The following OR2T35 variants were observed in gnomAD, a reference collection of about 807,000 sequenced individuals.
OR2T35 encodes the protein olfactory receptor 2T35.
For missense variants in OR2T35, 47 were observed against 278.8 expected (o/e 0.17, Z 5.92); for synonymous variants, 18 against 110.2 (o/e 0.16, Z 5.24).
At chr1:248,642,178 C>G (rs1169708660) in intron 1 of OR2T35, among the ~76,000 whole-genome samples, 1 of 79,118 alleles carries the variant, frequency 1.3e-5, no homozygotes, top group African/African-American at 3.0e-5. Flanking sequence ...ATTCTCCACT[C>G]TAAGACACTT....
chr1:248,639,107 T>C lies in OR2T35; in HGVS notation c.152A>G (p.His51Arg), dbSNP rs1660755962. Residue 51 changes from histidine (H) to arginine (R), a missense_variant, in exon 2 of 2, where the codon CAC becomes CGC. His to Arg is a conservative substitution (Grantham distance 29). Coordinates refer to ENST00000641268, the MANE Select transcript of OR2T35 (RefSeq NM_001001827.2). ...TANLVMILLI[H>R]MDSRLHTPMY... ...GGGTGTGTGGAGGCGGGAGTCCATGTGGATGAGCAGAATCATGACCAAGTT... is the reference window on the plus strand; with the variant it reads ...GGGTGTGTGGAGGCGGGAGTCCATGCGGATGAGCAGAATCATGACCAAGTT... The C allele has an allele frequency of 4.1e-6, 2 of 492,162 alleles. No homozygotes were observed. Among genetic ancestry groups the C allele is most frequent in the Non-Finnish European group, 7.1e-6 (2 of 282,000 alleles). 30.5% of individuals were successfully genotyped at this position (492,162 alleles called of 1,614,324 possible).
Position 248,638,597 on chromosome 1 carries a change from A to G in OR2T35, c.662T>C (p.Ile221Thr), listed in dbSNP as rs776881010. Residue 221 changes from isoleucine (I) to threonine (T), a missense_variant, in exon 2 of 2, where the codon ATC (isoleucine) becomes ACC (threonine). Physicochemically the swap from Ile to Thr is moderately conservative, Grantham distance 89. Transcript: ENST00000641268. ...LSVISVSYTH[I>T]LLTVHRMNSA... ...GTTCATCCTGTGGACAGTCAGGAGGATGTGCGTGTAGGACACAGAGATGAC... is the reference window on the plus strand; with the variant it reads ...GTTCATCCTGTGGACAGTCAGGAGGGTGTGCGTGTAGGACACAGAGATGAC... 6 of 1,570,642 alleles carry G rather than the reference A, an allele frequency of 3.8e-6. 1 individual carries two copies. The African/African-American group carries it at 4.7e-5, about 12-fold the overall frequency.
Position 248,638,180 on chromosome 1 carries a change from C to A in OR2T35, c.*107G>T. ...GGCCGCAGCACCGCAGATGTTTGCA[C>A]TAGTCCCTGCTAGTCCTTCCTGATC... On this transcript the variant is annotated 3_prime_UTR_variant, in exon 2 of 2. Transcript: ENST00000641268. 2 of 837,032 alleles carry A rather than the reference C, an allele frequency of 2.4e-6. 1 individual carries two copies. The highest frequency in any genetic ancestry group is 3.7e-6 in the Non-Finnish European group (2 of 535,844). 51.9% of individuals were successfully genotyped at this position (837,032 alleles called of 1,614,324 possible).
chr1:248,644,867 CTACAT>C (rs1303596485), intron 1 of OR2T35, among the ~76,000 whole-genome samples: 2 of 138,670 alleles, frequency 1.4e-5, no homozygotes, highest in African/African-American at 5.4e-5. Flanking sequence ...ACCTTGCTTC[CTACAT>C]TAATCAGATT....
chr1:248,645,013 CTG>C (rs66799644), intron 1 of OR2T35, among the ~76,000 whole-genome samples: 40,014 of 64,596 alleles, frequency 0.62, 12,517 homozygotes, highest in Middle Eastern at 0.77. Flanking sequence ...TAAATGGTAA[CTG>C]TTTTCATTCG....
At chr1:248,644,209 A>C (rs540168599) in intron 1 of OR2T35, among the ~76,000 whole-genome samples, 61 of 105,898 alleles carry the variant, frequency 5.8e-4, no homozygotes, top group African/African-American at 2.0e-3. Flanking sequence ...TATGGAAATG[A>C]AAGTGTTAAA....
In OR2T35 at chr1:248,644,735, TATTA is replaced by T. The variant is rs999355492; in HGVS notation, c.-23+508_-23+511del. 2.8e-5 allele frequency among the ~76,000 whole-genome samples: 4 copies of T among 140,398 alleles called. No homozygotes were observed. The South Asian group carries it at 8.8e-4, about 31-fold the overall frequency. The allele number at this position is 140,398 out of a possible 152,430, so 92.1% of individuals were successfully genotyped here. A position where few individuals can be genotyped will look rare whatever the true frequency, so the allele number is the denominator to read the frequency against. On this transcript the variant is annotated intron_variant, in intron 1 of 1. Coordinates refer to ENST00000641268, the MANE Select transcript of OR2T35 (RefSeq NM_001001827.2). ...GTTTTAGTCTTGAAAGCAAGATTAA[TATTA>T]ATTGCTACTCATAAGTGTTCATAGC...
chr1:248,641,651 AAGAT>A (rs1347551364), intron 1 of OR2T35, among the ~76,000 whole-genome samples: 2,428 of 74,408 alleles, frequency 0.033, 18 homozygotes, highest in African/African-American at 0.079. Context: ...AAACAGGAGA[AAGAT>A]ATGATTTTAG....
intron 1 of OR2T35, among the ~76,000 whole-genome samples, chr1:248,642,107 T>C (rs1660791096): frequency 1.1e-5 from 1 of 90,980 alleles, no homozygotes; most frequent in African/African-American, 2.8e-5. Flanking sequence ...GTTTGACTTA[T>C]TCACACATAC....
intron 1 of OR2T35, among the ~76,000 whole-genome samples, chr1:248,641,740 G>A (rs1477168632): frequency 1.2e-5 from 1 of 82,662 alleles, no homozygotes; most frequent in African/African-American, 2.9e-5. Flanking sequence ...TGAGCGTTGT[G>A]CGTACATGTG....
Position 248,638,335 on chromosome 1 carries a change from A to T in OR2T35, c.924T>A (p.Cys308Ter). ...AAALRKVLGR[C>*]GSSQSIRVAT... ...CCACCCTGATGCTCTGGGAGGAACC[A>T]CATCTCCCTAGTACTTTCCTCAGAG... The change falls in exon 2 of 2, where the codon TGT becomes TGA. Residue 308 changes from cysteine (C) to a stop codon, truncating the protein, a stop_gained. Coordinates refer to ENST00000641268, the MANE Select transcript of OR2T35 (RefSeq NM_001001827.2). LOFTEE classifies it low-confidence loss of function (END_TRUNC). The T allele has an allele frequency of 1.1e-6, 1 of 942,524 alleles. No homozygotes were observed. The highest frequency in any genetic ancestry group is 1.7e-6 in the Non-Finnish European group (1 of 576,858). 58.4% of individuals were successfully genotyped at this position (942,524 alleles called of 1,614,324 possible). A position where few individuals can be genotyped will look rare whatever the true frequency, so the allele number is the denominator to read the frequency against.
chr1:248,644,741 T>C (rs1035301169), intron 1 of OR2T35, among the ~76,000 whole-genome samples: 1 of 140,410 alleles, frequency 7.1e-6, no homozygotes, highest in African/African-American at 2.7e-5. Context: ...TTAATATTAA[T>C]TGCTACTCAT....
chr1:248,645,021 A>G (rs1415464272), intron 1 of OR2T35, among the ~76,000 whole-genome samples: 1 of 87,066 alleles, frequency 1.1e-5, no homozygotes, highest in Non-Finnish European at 2.6e-5. Context: ...AACTGTTTTC[A>G]TTCGTGGAAA....
chr1:248,638,339 C>A lies in OR2T35; in HGVS notation c.920G>T (p.Arg307Ile), dbSNP rs1660734146. ...CCTGATGCTCTGGGAGGAACCACAT[C>A]TCCCTAGTACTTTCCTCAGAGCTGC... is the stretch of plus-strand genomic sequence containing the variant. ...VAAALRKVLG[R>I]CGSSQSIRVA... Residue 307 changes from arginine to isoleucine, a missense_variant, in exon 2 of 2, where the codon AGA becomes ATA. Physicochemically the swap from Arg to Ile is moderately conservative, Grantham distance 97. Transcript: ENST00000641268. The A allele has an allele frequency of 1.1e-6, 1 of 892,620 alleles. No individual in the cohort carries two copies. Among genetic ancestry groups the A allele is most frequent in the African/African-American group, 1.7e-5 (1 of 59,096 alleles). The allele number at this position is 892,620 out of a possible 1,614,324, so 55.3% of individuals were successfully genotyped here.
rs1660728743 is a variant in OR2T35 at position 248,638,230 on chromosome 1, A to G, written c.*57T>C. 2.1e-6 allele frequency: 2 copies of G among 952,918 alleles called. No homozygotes were observed. Among genetic ancestry groups the G allele is most frequent in the South Asian group, 1.3e-5 (1 of 77,276 alleles). The allele number at this position is 952,918 out of a possible 1,614,324, so 59.0% of individuals were successfully genotyped here. A position where few individuals can be genotyped will look rare whatever the true frequency, so the allele number is the denominator to read the frequency against. ...CAGTCACCACCCCTGATGCTCTGGG[A>G]GTCCCCGCTAATCCTTCCCGATCAC... On this transcript the variant is annotated 3_prime_UTR_variant, in exon 2 of 2. Coordinates refer to ENST00000641268, the MANE Select transcript of OR2T35 (RefSeq NM_001001827.2).
rs1190764836 is a variant in OR2T35, at chr1:248,638,361, C to T, written c.898G>A (p.Ala300Thr). 3.1e-6 allele frequency: 3 copies of T among 957,298 alleles called. No homozygotes were observed. The highest frequency in any genetic ancestry group is 1.6e-5 in the African/African-American group (1 of 60,836). The allele number at this position is 957,298 out of a possible 1,614,324, so 59.3% of individuals were successfully genotyped here. A position where few individuals can be genotyped will look rare whatever the true frequency, so the allele number is the denominator to read the frequency against. ...YSLRNKDVAA[A>T]LRKVLGRCGS... ...CATCTCCCTAGTACTTTCCTCAGAGCTGCAGCCACATCTTTATTCCTCAAG... is the reference window on the plus strand; with the variant it reads ...CATCTCCCTAGTACTTTCCTCAGAGTTGCAGCCACATCTTTATTCCTCAAG... The change falls in exon 2 of 2, where the codon GCT (alanine) becomes ACT (threonine). Residue 300 changes from alanine (A) to threonine (T), a missense_variant. Coordinates refer to ENST00000641268, the MANE Select transcript of OR2T35 (RefSeq NM_001001827.2).
Position 248,642,216 on chromosome 1 carries a change from CAAA to C in OR2T35, c.-22-2939_-22-2937del, listed in dbSNP as rs61189391. On this transcript the variant is annotated intron_variant, in intron 1 of 1. Coordinates refer to ENST00000641268, the MANE Select transcript of OR2T35 (RefSeq NM_001001827.2). ...GTTCCCCTTCATCAACTAGTCTTTCCAAAAAAAAAAAAAAAAAAAGAAAAAGAA... is the reference window on the plus strand; with the variant it reads ...GTTCCCCTTCATCAACTAGTCTTTCCAAAAAAAAAAAAAAAAGAAAAAGAA... 2.7e-3 allele frequency among the ~76,000 whole-genome samples: 147 copies of C among 53,604 alleles called. 4 individuals carry two copies. Among genetic ancestry groups the C allele is most frequent in the African/African-American group, 5.1e-3 (127 of 24,802 alleles). 35.2% of individuals were successfully genotyped at this position (53,604 alleles called of 152,430 possible). A position where few individuals can be genotyped will look rare whatever the true frequency, so the allele number is the denominator to read the frequency against.
In OR2T35 at chr1:248,638,642, AT is replaced by A. The variant is rs780261772; in HGVS notation, c.616del (p.Met206CysfsTer18). ...ETLMYACCVL[M>X]LLIPLSVISV... ...GATGACAGATAGAGGGATAAGCAGC[AT>A]CAGCACGCAGCAGGCATACATCAGG... On this transcript the variant is annotated frameshift_variant, in exon 2 of 2. Coordinates refer to ENST00000641268, the MANE Select transcript of OR2T35 (RefSeq NM_001001827.2). LOFTEE classifies it low-confidence loss of function (END_TRUNC). 63 of 1,476,080 alleles carry A rather than the reference AT, an allele frequency of 4.3e-5. 3 individuals carry two copies. The African/African-American group carries it at 1.0e-3, about 24-fold the overall frequency. The allele number at this position is 1,476,080 out of a possible 1,614,324, so 91.4% of individuals were successfully genotyped here. A position where few individuals can be genotyped will look rare whatever the true frequency, so the allele number is the denominator to read the frequency against.
In OR2T35 at chr1:248,637,861, G is replaced by T. The variant is rs1283315586; in HGVS notation, c.*426C>A. 3.3e-4 allele frequency: 2 copies of T among 6,066 alleles called. No individual in the cohort carries two copies. Among genetic ancestry groups the T allele is most frequent in the African/African-American group, 7.3e-4 (2 of 2,734 alleles). The allele number at this position is 6,066 out of a possible 1,614,324, so 0.4% of individuals were successfully genotyped here. A position where few individuals can be genotyped will look rare whatever the true frequency, so the allele number is the denominator to read the frequency against. On this transcript the variant is annotated 3_prime_UTR_variant, in exon 2 of 2. Coordinates refer to ENST00000641268, the MANE Select transcript of OR2T35 (RefSeq NM_001001827.2). ...AGGCAGGCAGGACTCATGATCACAC[G>T]TTAGCAATACAGACAGGAAGGACTC...
Sources: gnomAD v4.1 joint callset for allele counts (sites outside exome capture counted in the v4.1 genomes callset) on GRCh38, gnomAD v4.1.1 for gene constraint, MANE v1.5 for transcripts, NCBI Gene and HGNC (gene_info 2026-07-23, HGNC 2026-07-21) for gene names.